The following COL21A1 variants were observed in gnomAD, a reference collection of about 807,000 sequenced individuals.
COL21A1 encodes the protein collagen type XXI alpha 1 chain, also known as collagen alpha-1(XXI) chain.
COL21A1 carries 149 observed loss-of-function variants against 137.9 expected under a neutral mutation model. The ratio of observed to expected loss-of-function variants is 1.08; its 90% confidence interval spans 0.95 to 1.24. The LOEUF (loss-of-function observed/expected upper bound fraction) is 1.24. Ranked by LOEUF, COL21A1 falls within the 50% of genes most tolerant of loss-of-function variation. The pLI, the probability that COL21A1 is intolerant of heterozygous loss-of-function variation, is 0.00. For missense variants in COL21A1, 1,167 were observed against 1,158.4 expected, an observed-to-expected ratio of 1.01 and a Z score of -0.11; for synonymous variants, 456 against 391.5, an observed-to-expected ratio of 1.16 and a Z score of -1.95.
intron 1 of COL21A1, among the ~76,000 whole-genome samples, chr6:56,239,345 A>G (rs1211501917): frequency 2.6e-5 from 4 of 152,184 alleles, no homozygotes; most frequent in Admixed American, 6.6e-5. Context: ...GTTTCCATAT[A>G]CAAAGCATGT....
intron 1 of COL21A1, among the ~76,000 whole-genome samples, chr6:56,264,547 T>G (rs562653129): frequency 6.6e-6 from 1 of 152,326 alleles, no homozygotes; most frequent in Non-Finnish European, 1.5e-5. Flanking sequence ...AAGATTTTAT[T>G]TACATGACTC....
intron 17 of COL21A1, among the ~76,000 whole-genome samples, chr6:56,098,935 T>G (rs1770158276): frequency 1.3e-5 from 2 of 150,304 alleles, no homozygotes; most frequent in African/African-American, 4.9e-5. Flanking sequence ...CAGGATGGTC[T>G]CAATCTCCTG....
At chr6:56,223,955 T>A (rs562213922) in intron 1 of COL21A1, among the ~76,000 whole-genome samples, 2 of 152,222 alleles carry the variant, frequency 1.3e-5, no homozygotes, top group Admixed American at 6.5e-5. Flanking sequence ...TTGAGATACA[T>A]CCCCTACAGC....
intron 1 of COL21A1, among the ~76,000 whole-genome samples, chr6:56,210,958 A>G (rs1389205942): frequency 1.3e-5 from 2 of 151,950 alleles, no homozygotes; most frequent in Non-Finnish European, 2.9e-5. Flanking sequence ...AAAACTGAAC[A>G]TGGACAGGAC....
intron 1 of COL21A1, among the ~76,000 whole-genome samples, chr6:56,218,023 A>G (rs1198557746): frequency 6.6e-6 from 1 of 152,132 alleles, no homozygotes. Context: ...ATTATGACAC[A>G]CTATGCAAAG....
At chr6:56,059,062 A>G in intron 29 of COL21A1, 103 bp downstream of exon 29, 2 of 867,708 alleles carry the variant, frequency 2.3e-6, no homozygotes, top group East Asian at 2.7e-5. Flanking sequence ...CACTCAAAAA[A>G]GAAAACAGAT....
At chr6:56,354,725 T>C (rs1765793647) in intron 1 of COL21A1, among the ~76,000 whole-genome samples, 2 of 152,032 alleles carry the variant, frequency 1.3e-5, no homozygotes, top group Admixed American at 6.6e-5. Context: ...CAAAAAATGG[T>C]GTGGTATGGT....
At chr6:56,115,197 T>C (rs1216696376) in intron 16 of COL21A1, among the ~76,000 whole-genome samples, 1 of 149,930 alleles carries the variant, frequency 6.7e-6, no homozygotes. Context: ...TAATGCTAGA[T>C]GACGAGTTAG....
At position 56,113,066 on chromosome 6, in the gene COL21A1, C is replaced by T. The variant is rs535975634; in HGVS notation, c.1758+10996G>A. Among the ~76,000 whole-genome samples, 9 of 152,316 alleles carry T rather than the reference C, an allele frequency of 5.9e-5. No homozygotes were observed. The East Asian group carries it at 1.5e-3, about 26-fold the overall frequency. ...GAACTTGAGTGCCTGTAAACCTCACCACCAAGGGCCAAAGCGCTTCAGTCT... is the reference window on the plus strand; with the variant it reads ...GAACTTGAGTGCCTGTAAACCTCACTACCAAGGGCCAAAGCGCTTCAGTCT... On this transcript the variant is annotated intron_variant, in intron 16 of 29. Transcript: ENST00000244728.
At chr6:56,179,472 T>C (rs1197585286) in intron 3 of COL21A1, 106 bp downstream of exon 3, 1 of 746,548 alleles carries the variant, frequency 1.3e-6, no homozygotes, top group Non-Finnish European at 2.1e-6. Context: ...ATAATTGACA[T>C]TAAATATAAC....
intron 1 of COL21A1, among the ~76,000 whole-genome samples, chr6:56,307,198 C>T (rs922219813): frequency 2.6e-5 from 4 of 152,302 alleles, no homozygotes; most frequent in Non-Finnish European, 4.4e-5. Context: ...GCAGTCTGTC[C>T]GTTCTCAGAT....
intron 16 of COL21A1, among the ~76,000 whole-genome samples, chr6:56,112,755 G>C (rs955053600): frequency 2.0e-5 from 3 of 150,120 alleles, no homozygotes; most frequent in African/African-American, 4.9e-5. Context: ...CGTGATTCCG[G>C]CTCACTGCAA....
intron 1 of COL21A1, among the ~76,000 whole-genome samples, chr6:56,365,902 A>AT (rs1452672012): frequency 6.6e-6 from 1 of 152,178 alleles, no homozygotes; most frequent in African/African-American, 2.4e-5. Flanking sequence ...ATATGGAAGG[A>AT]TTTTTTTAGG....
At chr6:56,210,473 T>C (rs1780088779) in intron 1 of COL21A1, among the ~76,000 whole-genome samples, 1 of 152,034 alleles carries the variant, frequency 6.6e-6, no homozygotes, top group Non-Finnish European at 1.5e-5. Flanking sequence ...AAAATTCATG[T>C]TTTTCAACCC....
chr6:56,222,947 A>T (rs1780939866), intron 1 of COL21A1, among the ~76,000 whole-genome samples: 1 of 151,974 alleles, frequency 6.6e-6, no homozygotes, highest in Non-Finnish European at 1.5e-5. Context: ...TTGCTCTCAT[A>T]CCAGTGAGTA....
chr6:56,274,115 C>A (rs543039462), intron 1 of COL21A1, among the ~76,000 whole-genome samples: 28 of 152,202 alleles, frequency 1.8e-4, no homozygotes, highest in Admixed American at 3.9e-4. Flanking sequence ...AAAACAAAAA[C>A]CTTATGATCA....
At chr6:56,304,309 A>T (rs913065925) in intron 1 of COL21A1, among the ~76,000 whole-genome samples, 4 of 151,944 alleles carry the variant, frequency 2.6e-5, no homozygotes, top group Non-Finnish European at 5.9e-5. Context: ...AAGGAATGGT[A>T]CCAGCTCCTC....
At position 56,290,084 on chromosome 6, in the gene COL21A1, C is replaced by T. The variant is rs200089492; in HGVS notation, c.-39+103887G>A. ...TAAAACCCCATGTCTCACTTGCCAGCTCTAGGTCCCTTCTTCAGCCTCTTG... is the reference window on the plus strand; with the variant it reads ...TAAAACCCCATGTCTCACTTGCCAGTTCTAGGTCCCTTCTTCAGCCTCTTG... On this transcript the variant is annotated intron_variant, in intron 1 of 28. Coordinates refer to the COL21A1 transcript ENST00000370819. Among the ~76,000 whole-genome samples, 10 of 152,282 alleles carry T rather than the reference C, an allele frequency of 6.6e-5. No homozygotes were observed. The East Asian group carries it at 1.9e-3, about 29-fold the overall frequency.
chr6:56,333,923 T>A (rs904662954), intron 1 of COL21A1, among the ~76,000 whole-genome samples: 3 of 151,844 alleles, frequency 2.0e-5, no homozygotes, highest in Admixed American at 6.6e-5. Flanking sequence ...TTTGATCCAA[T>A]CTGTGTTTAA....
Sources: allele counts gnomAD v4.1 joint callset (sites outside exome capture counted in the v4.1 genomes callset), GRCh38; gene constraint gnomAD v4.1.1; transcripts MANE v1.5; gene names NCBI Gene and HGNC (gene_info 2026-07-23, HGNC 2026-07-21).